PTPRD: variants seen among roughly 807,000 people sequenced by gnomAD.
PTPRD encodes protein tyrosine phosphatase receptor type D, also known as receptor-type tyrosine-protein phosphatase delta.
Under a neutral mutation model 214.5 loss-of-function variants are expected in PTPRD, and 34 were observed. That is an observed-to-expected ratio of 0.16 (90% CI 0.12 to 0.21). The LOEUF is 0.21. Ranked by LOEUF, PTPRD falls within the 10% of genes least tolerant of loss-of-function variation. The probability of loss-of-function intolerance (pLI) is 1.00; values close to 1 mark genes in which losing one functional copy is unlikely to be tolerated. For missense variants in PTPRD, 2,545 were observed against 2,398.7 expected (o/e 1.06, Z -1.27); for synonymous variants, 1,128 against 845.7 (o/e 1.33, Z -5.79).
chr9:8,645,211 G>T (rs567014161), intron 12 of PTPRD, among the ~76,000 whole-genome samples: 1 of 152,274 alleles, frequency 6.6e-6, no homozygotes, highest in Admixed American at 6.5e-5. Flanking sequence ...AGAATATGCT[G>T]TATTTAAAAG....
intron 9 of PTPRD, among the ~76,000 whole-genome samples, chr9:9,339,120 A>G (rs934058384): frequency 1.3e-5 from 2 of 152,166 alleles, no homozygotes; most frequent in Non-Finnish European, 2.9e-5. Flanking sequence ...TGAACAACAC[A>G]ATGACCTATA....
intron 5 of PTPRD, among the ~76,000 whole-genome samples, chr9:9,889,503 G>A (rs937770639): frequency 2.8e-4 from 43 of 152,072 alleles, no homozygotes; most frequent in African/African-American, 9.7e-4. Flanking sequence ...TTATAGATTC[G>A]GATGAAGACT....
chr9:9,020,810 G>A (rs2099566068), intron 10 of PTPRD, among the ~76,000 whole-genome samples: 1 of 152,044 alleles, frequency 6.6e-6, no homozygotes, highest in African/African-American at 2.4e-5. Flanking sequence ...TGGAAGCAAA[G>A]GTCATTGAAT....
chr9:9,931,026 A>T (rs1460196849), intron 5 of PTPRD, among the ~76,000 whole-genome samples: 1 of 152,146 alleles, frequency 6.6e-6, no homozygotes, highest in African/African-American at 2.4e-5. Context: ...CCAATTCTGT[A>T]TTATAACTTG....
At chr9:9,206,435 T>A (rs2099944913) in intron 9 of PTPRD, among the ~76,000 whole-genome samples, 1 of 152,118 alleles carries the variant, frequency 6.6e-6, no homozygotes, top group African/African-American at 2.4e-5. Flanking sequence ...TTAGGAGGGT[T>A]GTGATGGTTA....
chr9:9,401,487 A>T (rs2382005), intron 8 of PTPRD, among the ~76,000 whole-genome samples: 2 of 151,980 alleles, frequency 1.3e-5, no homozygotes, highest in Non-Finnish European at 2.9e-5. Context: ...AAAGGAACTG[A>T]GTATGAAGGG....
chr9:8,709,070 G>C (rs867380413), intron 12 of PTPRD, among the ~76,000 whole-genome samples: 2 of 151,766 alleles, frequency 1.3e-5, no homozygotes, highest in African/African-American at 4.8e-5. Flanking sequence ...GTAGAAAGTG[G>C]AATAGTGGCT....
At chr9:8,907,606 C>A (rs1187527691) in intron 11 of PTPRD, among the ~76,000 whole-genome samples, 5 of 143,740 alleles carry the variant, frequency 3.5e-5, no homozygotes, top group African/African-American at 1.3e-4. Context: ...ACAGATAAAG[C>A]AACTATTAAA....
At chr9:9,990,381 T>C (rs2095871338) in intron 4 of PTPRD, among the ~76,000 whole-genome samples, 1 of 152,210 alleles carries the variant, frequency 6.6e-6, no homozygotes, top group Non-Finnish European at 1.5e-5. Flanking sequence ...TTCAGAACAA[T>C]GTGATTTCTG....
intron 11 of PTPRD, among the ~76,000 whole-genome samples, chr9:9,016,235 G>A (rs1052054220): frequency 6.6e-6 from 1 of 152,004 alleles, no homozygotes; most frequent in African/African-American, 2.4e-5. Flanking sequence ...ACACCAGTGT[G>A]GATAAAATTA....
At chr9:9,670,980 A>G (rs183704976) in intron 7 of PTPRD, among the ~76,000 whole-genome samples, 52 of 152,272 alleles carry the variant, frequency 3.4e-4, no homozygotes, top group African/African-American at 1.3e-3. Context: ...AAGAGTCTCT[A>G]TTCCCTAGTG....
intron 14 of PTPRD, among the ~76,000 whole-genome samples, chr9:8,612,191 T>A (rs2095477020): frequency 6.6e-6 from 1 of 152,196 alleles, no homozygotes; most frequent in South Asian, 2.1e-4. Flanking sequence ...AAGATGATAT[T>A]TCAATGTTAA....
intron 8 of PTPRD, among the ~76,000 whole-genome samples, chr9:9,550,208 C>A (rs938706087): frequency 1.3e-5 from 2 of 151,784 alleles, no homozygotes. Flanking sequence ...AGAAATTCTG[C>A]CTAAGTTTCA....
chr9:10,292,604 T>C (rs935870933), intron 3 of PTPRD, among the ~76,000 whole-genome samples: 1 of 151,980 alleles, frequency 6.6e-6, no homozygotes, highest in Non-Finnish European at 1.5e-5. Context: ...ACTGTTATTT[T>C]TGGGCAATCT....
At chr9:10,027,067 CA>C (rs1306588255) in intron 4 of PTPRD, among the ~76,000 whole-genome samples, 4 of 151,938 alleles carry the variant, frequency 2.6e-5, no homozygotes, top group Non-Finnish European at 4.4e-5. Context: ...TAAAAAGGGG[CA>C]ATTCTTTCTA....
intron 12 of PTPRD, among the ~76,000 whole-genome samples, chr9:8,640,379 G>C (rs936369716): frequency 1.8e-4 from 27 of 151,894 alleles, no homozygotes; most frequent in Non-Finnish European, 3.5e-4. Context: ...AAAAGAAAAA[G>C]AAATGACCAT....
At chr9:10,544,588 C>T (rs914448674) in intron 2 of PTPRD, among the ~76,000 whole-genome samples, 1 of 152,120 alleles carries the variant, frequency 6.6e-6, no homozygotes, top group African/African-American at 2.4e-5. Flanking sequence ...ATTTGCTAAC[C>T]AGCAACCAGT....
At chr9:9,712,549 C>T (rs17609354) in intron 7 of PTPRD, among the ~76,000 whole-genome samples, 1 of 152,098 alleles carries the variant, frequency 6.6e-6, no homozygotes, top group Non-Finnish European at 1.5e-5. Flanking sequence ...CTCAGCTTGT[C>T]AAGAAAGTCA....
At chr9:10,252,080 T>G (rs915524694) in intron 3 of PTPRD, among the ~76,000 whole-genome samples, 1 of 152,190 alleles carries the variant, frequency 6.6e-6, no homozygotes, top group Admixed American at 6.5e-5. Flanking sequence ...TATTCAAACA[T>G]CATTTTGTAC....
Sources: allele counts gnomAD v4.1 joint callset (sites outside exome capture counted in the v4.1 genomes callset), GRCh38; gene constraint gnomAD v4.1.1; transcripts MANE v1.5; gene names NCBI Gene and HGNC (gene_info 2026-07-23, HGNC 2026-07-21).